The following ATG7 variants were observed in gnomAD, a reference collection of about 807,000 sequenced individuals.
ATG7 encodes ubiquitin-like modifier-activating enzyme ATG7.
ATG7 carries 70 observed loss-of-function variants against 82.4 expected under a neutral mutation model. The observed-to-expected ratio is 0.85, with a 90% CI of 0.70 to 1.04. The LOEUF (loss-of-function observed/expected upper bound fraction) is 1.04, where lower values mean the gene tolerates loss of function less well. Ranked by LOEUF, ATG7 falls within the 50% of genes least tolerant of loss-of-function variation. The pLI, the probability that ATG7 is intolerant of heterozygous loss-of-function variation, is 0.00. For synonymous variants in ATG7, 287 were observed against 313.0 expected (o/e 0.92, Z 0.88); for missense variants, 792 against 864.3 (o/e 0.92, Z 1.05).
chr3:11,373,904 A>G (rs891188550), intron 18 of ATG7, among the ~76,000 whole-genome samples: 2 of 151,892 alleles, frequency 1.3e-5, no homozygotes, highest in Admixed American at 1.3e-4. Context: ...TGTGGGACCT[A>G]TTTTCTCTGT....
At chr3:11,439,507 A>G (rs1447181117) in intron 20 of ATG7, among the ~76,000 whole-genome samples, 5 of 152,156 alleles carry the variant, frequency 3.3e-5, no homozygotes, top group African/African-American at 1.2e-4. Context: ...CAGTCAACAG[A>G]TATTTATTGA....
At chr3:11,380,299 C>T (rs1239290829) in intron 19 of ATG7, among the ~76,000 whole-genome samples, 4 of 152,166 alleles carry the variant, frequency 2.6e-5, no homozygotes, top group Non-Finnish European at 5.9e-5. Flanking sequence ...TCAATACTTG[C>T]ATCATGCTAA....
rs568447872 is a variant in ATG7 at position 11,476,130 on chromosome 3, A to ACC, written c.2079+49206_2079+49207dup. Among the ~76,000 whole-genome samples the ACC allele has an allele frequency of 2.0e-5, 3 of 152,272 alleles. No homozygotes were observed. The South Asian group carries it at 6.2e-4, about 32-fold the overall frequency. On this transcript the variant is annotated intron_variant, in intron 20 of 20. Transcript: ENST00000693202. ...CAAAGGGTCAGGTCCTCTCCTTTGT[A>ACC]CCCTAAGGTGTAGAGAAAGCTGGAC...
At chr3:11,550,887 A>C (rs1195012606) in intron 20 of ATG7, among the ~76,000 whole-genome samples, 1 of 151,804 alleles carries the variant, frequency 6.6e-6, no homozygotes, top group African/African-American at 2.4e-5. Context: ...CCCAGGCTAT[A>C]ATGAGCTTAC....
intron 3 of ATG7, among the ~76,000 whole-genome samples, chr3:11,288,419 G>A (rs557330094): frequency 9.8e-5 from 15 of 152,294 alleles, no homozygotes; most frequent in Admixed American, 7.2e-4. Context: ...GTAAGACATG[G>A]TGCTTGTTTC....
chr3:11,309,955 C>G (rs181111154), intron 7 of ATG7, among the ~76,000 whole-genome samples: 17 of 152,202 alleles, frequency 1.1e-4, no homozygotes, highest in African/African-American at 3.9e-4. Flanking sequence ...AGGTGGATCA[C>G]TTGAGGCCAA....
rs751103890 is a variant in ATG7 at position 11,315,758 on chromosome 3, G to T, written c.678+265G>T. On this transcript the variant is annotated intron_variant, in intron 9 of 20. Transcript: ENST00000693202. ...GTTTGTTTGTTTGAGATGGAGTCTC[G>T]CACTGTTGCCTGGGCTGGAGCGCAG... Among the ~76,000 whole-genome samples, 28 of 151,900 alleles carry T rather than the reference G, an allele frequency of 1.8e-4. 1 individual carries two copies. Among genetic ancestry groups the T allele is most frequent in the Admixed American group, 1.7e-3 (26 of 15,262 alleles).
intron 18 of ATG7, among the ~76,000 whole-genome samples, chr3:11,373,444 C>T (rs968344194): frequency 1.3e-5 from 2 of 152,152 alleles, no homozygotes; most frequent in African/African-American, 4.8e-5. Flanking sequence ...AGTAACAAAG[C>T]ATCCTGTTTC....
At chr3:11,548,590 TAAA>T (rs2071488180) in intron 20 of ATG7, among the ~76,000 whole-genome samples, 1 of 152,342 alleles carries the variant, frequency 6.6e-6, no homozygotes, top group South Asian at 2.1e-4. Flanking sequence ...TTTGCAAAAT[TAAA>T]AACCTTTTTT....
At chr3:11,471,169 C>T (rs975475079) in intron 20 of ATG7, among the ~76,000 whole-genome samples, 1 of 152,108 alleles carries the variant, frequency 6.6e-6, no homozygotes, top group Non-Finnish European at 1.5e-5. Flanking sequence ...TCAGGGACTT[C>T]CAAAGGCTGG....
chr3:11,503,814 A>G (rs548181955), intron 20 of ATG7, among the ~76,000 whole-genome samples: 53 of 151,856 alleles, frequency 3.5e-4, no homozygotes, highest in Non-Finnish European at 7.4e-4. Flanking sequence ...AATTAAATAT[A>G]TAAGTTTAAA....
chr3:11,559,202 CAAG>C, downstream of ATG7: 1 of 1,409,606 alleles, frequency 7.1e-7, no homozygotes, highest in Non-Finnish European at 9.3e-7. Flanking sequence ...TGGACGTGCT[CAAG>C]AAATACTTTT....
At chr3:11,332,193 A>AC (rs1215646556) in intron 10 of ATG7, among the ~76,000 whole-genome samples, 1 of 138 alleles carries the variant, frequency 7.2e-3, no homozygotes, top group Non-Finnish European at 0.013. Flanking sequence ...GAAATGTCAT[A>AC]TACAATGAAT....
At chr3:11,331,559 TAATCAA>T in intron 10 of ATG7, 131 bp downstream of exon 10, 2 of 811,348 alleles carry the variant, frequency 2.5e-6, no homozygotes, top group Non-Finnish European at 4.1e-6. Context: ...GGAAACCAGG[TAATCAA>T]TAAATCAGTC....
chr3:11,292,254 C>CTTTTT (rs57610397), intron 3 of ATG7, among the ~76,000 whole-genome samples: 3 of 138,848 alleles, frequency 2.2e-5, no homozygotes, highest in Admixed American at 7.2e-5. Flanking sequence ...TTCTTTCTTT[C>CTTTTT]TTTTTTTTTT....
chr3:11,554,801 C>G lies in ATG7; in HGVS notation c.2080-10C>G, dbSNP rs2072249996. 6.2e-7 allele frequency: 1 copy of G among 1,613,396 alleles called. No homozygotes were observed. Among genetic ancestry groups the G allele is most frequent in the Non-Finnish European group, 8.5e-7 (1 of 1,179,698 alleles). On this transcript the variant is annotated splice_polypyrimidine_tract_variant and intron_variant, in intron 20 of 20. Transcript: ENST00000693202. ...ACATCTCGGCTGAGCCTCTCCCCTT[C>G]TCCATGCAGATCTGGGACATGAGCG...
intron 10 of ATG7, among the ~76,000 whole-genome samples, chr3:11,331,713 C>T (rs1179911710): frequency 6.6e-6 from 1 of 152,116 alleles, no homozygotes; most frequent in Non-Finnish European, 1.5e-5. Context: ...TGTAGCCCTC[C>T]CTTCTAGCTG....
intron 17 of ATG7, 43 bp downstream of exon 17, chr3:11,362,971 G>C: frequency 1.3e-6 from 2 of 1,545,420 alleles, no homozygotes; most frequent in Non-Finnish European, 1.8e-6. Flanking sequence ...CAAAGCTTTT[G>C]TAGGCAGTTG....
intron 3 of ATG7, among the ~76,000 whole-genome samples, chr3:11,292,347 C>T (rs1945125777): frequency 1.3e-5 from 2 of 151,606 alleles, no homozygotes; most frequent in African/African-American, 4.9e-5. Flanking sequence ...GCAACCTCCG[C>T]CTCCTGGGTT....
Sources: gnomAD v4.1 joint callset for allele counts (sites outside exome capture counted in the v4.1 genomes callset) on GRCh38, gnomAD v4.1.1 for gene constraint, MANE v1.5 for transcripts, NCBI Gene and HGNC (gene_info 2026-07-23, HGNC 2026-07-21) for gene names.